Variants in BAIAP2L1 observed in about 807,000 individuals in gnomAD.
The protein encoded by BAIAP2L1 is BAR/IMD domain containing adaptor protein 2 like 1.
Under a neutral mutation model 66.3 loss-of-function variants are expected in BAIAP2L1, and 35 were observed. That is an observed-to-expected ratio of 0.53 (90% CI 0.40 to 0.70). The LOEUF (loss-of-function observed/expected upper bound fraction) is 0.70, where lower values mean the gene tolerates loss of function less well. BAIAP2L1 is among the 30% of genes least tolerant of loss of function. BAIAP2L1 has a pLI of 0.00. For missense variants in BAIAP2L1, 622 were observed against 656.9 expected, an observed-to-expected ratio of 0.95 and a Z score of 0.58; for synonymous variants, 269 against 248.7, an observed-to-expected ratio of 1.08 and a Z score of -0.77.
intron 7 of BAIAP2L1, among the ~76,000 whole-genome samples, 175 bp from the exon 8 acceptor site, chr7:98,312,439 C>T (rs995054345): frequency 2.6e-5 from 4 of 152,132 alleles, no homozygotes; most frequent in African/African-American, 7.2e-5. Flanking sequence ...TGTGTCTCAC[C>T]GGCTGAGAGG....
intron 11 of BAIAP2L1, among the ~76,000 whole-genome samples, chr7:98,305,053 T>TG (rs1265603559): frequency 0.024 from 2,190 of 91,984 alleles, 32 homozygotes; most frequent in African/African-American, 0.065. Context: ...TTTTGTTTTT[T>TG]TTTTTTTTTT....
intron 1 of BAIAP2L1, chr7:98,399,936 A>G (rs1018657279): frequency 1.3e-5 from 2 of 152,190 alleles, no homozygotes; most frequent in South Asian, 4.1e-4. Flanking sequence ...GGAAGGGTCT[A>G]AGGAGGAGGG....
chr7:98,375,393 TAAAAA>T (rs35258578), intron 1 of BAIAP2L1, among the ~76,000 whole-genome samples: 2 of 136,366 alleles, frequency 1.5e-5, no homozygotes, highest in African/African-American at 5.4e-5. Context: ...CACTCCATCT[TAAAAA>T]AAAAAAAAAA....
Position 98,293,200 on chromosome 7 carries a change from A to G in BAIAP2L1, c.*321T>C, listed in dbSNP as rs944055610. 3 of 300,420 alleles carry G rather than the reference A, an allele frequency of 1.0e-5. No individual in the cohort carries two copies. The highest frequency in any genetic ancestry group is 2.1e-5 in the African/African-American group (1 of 46,714). The allele number at this position is 300,420 out of a possible 1,614,324, so 18.6% of individuals were successfully genotyped here. ...GTCCTGAAAGCATAGACTATCCCTT[A>G]TTCTGGCTGTTATTAAGGAAAAAAT... On this transcript the variant is annotated 3_prime_UTR_variant, in exon 14 of 14. Transcript: ENST00000005260.
In BAIAP2L1 at chr7:98,315,563, G is replaced by T; in HGVS notation, c.536C>A (p.Ala179Glu). The change falls in exon 7 of 14, where the codon GCA becomes GAA. Residue 179 changes from alanine to glutamate, a missense_variant. Ala to Glu is a moderately radical substitution (Grantham distance 107, BLOSUM62 -1). Transcript: ENST00000005260. ...AAGCAGAGCCTCTTTGCAACCATCT[G>T]CAATGAATTTCTGGATTTCACTCTG... ...SRQSEIQKFIADGCKEALLEE... is the reference protein window; with the variant it reads ...SRQSEIQKFIEDGCKEALLEE... 1 of 1,493,334 alleles carries T rather than the reference G, an allele frequency of 6.7e-7. No homozygotes were observed. Among genetic ancestry groups the T allele is most frequent in the East Asian group, 2.5e-5 (1 of 40,214 alleles). The allele number at this position is 1,493,334 out of a possible 1,614,324, so 92.5% of individuals were successfully genotyped here. A position where few individuals can be genotyped will look rare whatever the true frequency, so the allele number is the denominator to read the frequency against.
chr7:98,360,517 G>A (rs1422928182), intron 2 of BAIAP2L1, among the ~76,000 whole-genome samples: 1 of 152,166 alleles, frequency 6.6e-6, no homozygotes, highest in Non-Finnish European at 1.5e-5. Context: ...CTCCCCAGGA[G>A]GTGCTAAAGT....
intron 1 of BAIAP2L1, among the ~76,000 whole-genome samples, chr7:98,372,733 GTTTTTTTTTTTTTTT>G (rs34330041): frequency 2.1e-5 from 2 of 93,766 alleles, no homozygotes; most frequent in Non-Finnish European, 4.0e-5. Context: ...ATCGATTTTG[GTTTTTTTTTTTTTTT>G]TTTTTTTTGA....
intron 9 of BAIAP2L1, chr7:98,309,306 C>T (rs1985593): frequency 0.25 from 37,333 of 151,988 alleles, 4,900 homozygotes; most frequent in East Asian, 0.45. Flanking sequence ...AGGCGCGTGC[C>T]ACCATGCTCG....
chr7:98,394,421 T>C (rs1156841392), intron 1 of BAIAP2L1, among the ~76,000 whole-genome samples: 1 of 152,172 alleles, frequency 6.6e-6, no homozygotes, highest in Non-Finnish European at 1.5e-5. Context: ...TCTTCTGACA[T>C]GAAGGATTTC....
rs750099451 is a variant in BAIAP2L1, at chr7:98,389,918, A to ATTTTTTTTTT, written c.51+10874_51+10883dup. ...TGCACGTGTAGTCTTGGGTTAGTAA[A>ATTTTTTTTTT]TTTTTTTTTTTTTTTGAGAGGTAGT... On this transcript the variant is annotated intron_variant, in intron 1 of 13. Transcript: ENST00000005260. 2.1e-3 allele frequency among the ~76,000 whole-genome samples: 272 copies of ATTTTTTTTTT among 129,766 alleles called. 20 individuals carry two copies. Among genetic ancestry groups the ATTTTTTTTTT allele is most frequent in the Admixed American group, 3.1e-3 (36 of 11,584 alleles). The allele number at this position is 129,766 out of a possible 152,430, so 85.1% of individuals were successfully genotyped here.
intron 5 of BAIAP2L1, among the ~76,000 whole-genome samples, chr7:98,317,905 G>T (rs1173004058): frequency 6.7e-6 from 1 of 149,982 alleles, no homozygotes; most frequent in Non-Finnish European, 1.5e-5. Flanking sequence ...TGCTGGCTGG[G>T]ACCCTCACCC....
At chr7:98,322,373 C>T (rs1366890254) in intron 3 of BAIAP2L1, among the ~76,000 whole-genome samples, 2 of 152,194 alleles carry the variant, frequency 1.3e-5, no homozygotes. Flanking sequence ...CACACCTCAT[C>T]CTCGACATGT....
intron 1 of BAIAP2L1, among the ~76,000 whole-genome samples, chr7:98,395,154 T>C (rs1474475110): frequency 6.7e-6 from 1 of 149,902 alleles, no homozygotes; most frequent in Admixed American, 6.7e-5. Flanking sequence ...AAGAAAATAA[T>C]CCCAGCCAGG....
intron 1 of BAIAP2L1, among the ~76,000 whole-genome samples, chr7:98,389,285 T>C (rs1444165637): frequency 1.3e-5 from 2 of 152,130 alleles, no homozygotes; most frequent in East Asian, 3.9e-4. Flanking sequence ...TTCCAACCCC[T>C]ACCCCAATCT....
intron 3 of BAIAP2L1, among the ~76,000 whole-genome samples, chr7:98,342,548 A>G (rs779762464): frequency 2.7e-4 from 41 of 152,190 alleles, no homozygotes; most frequent in Non-Finnish European, 4.4e-4. Flanking sequence ...TTTGTGCCCA[A>G]TTTCAGAAAC....
At chr7:98,359,560 C>T (rs139265266) in intron 2 of BAIAP2L1, among the ~76,000 whole-genome samples, 8 of 152,130 alleles carry the variant, frequency 5.3e-5, no homozygotes, top group East Asian at 1.9e-4. Flanking sequence ...CGTGAGCCAT[C>T]GCGCCCGGCC....
intron 10 of BAIAP2L1, chr7:98,307,374 G>A: frequency 1.7e-6 from 2 of 1,167,400 alleles, no homozygotes; most frequent in Non-Finnish European, 2.1e-6. Flanking sequence ...CCAAAGTGCT[G>A]GGATTACAAG....
intron 3 of BAIAP2L1, among the ~76,000 whole-genome samples, chr7:98,343,861 G>C (rs1312323648): frequency 6.6e-6 from 1 of 152,170 alleles, no homozygotes; most frequent in Non-Finnish European, 1.5e-5. Context: ...CCCCAGACAG[G>C]AACAAATGGG....
At chr7:98,380,861 G>GATCTAA (rs1196484425) in intron 1 of BAIAP2L1, among the ~76,000 whole-genome samples, 2 of 150,106 alleles carry the variant, frequency 1.3e-5, no homozygotes, top group Non-Finnish European at 3.0e-5. Flanking sequence ...GGCTGCTAAG[G>GATCTAA]ATTCAGGGAT....
Sources: allele counts gnomAD v4.1 joint callset (sites outside exome capture counted in the v4.1 genomes callset), GRCh38; gene constraint gnomAD v4.1.1; transcripts MANE v1.5; gene names NCBI Gene and HGNC (gene_info 2026-07-23, HGNC 2026-07-21).